DNM3: variants seen among roughly 807,000 people sequenced by gnomAD.
DNM3 encodes dynamin 3.
In DNM3, 47 loss-of-function variants were observed where a neutral mutation model predicts 101.6. The ratio of observed to expected loss-of-function variants is 0.46; its 90% CI spans 0.37 to 0.59. DNM3 has a LOEUF of 0.59. Among genes scored for constraint, DNM3 ranks in the 20% least tolerant of loss-of-function variants. The pLI, the probability that DNM3 is intolerant of heterozygous loss-of-function variation, is 0.00. For missense variants in DNM3, 849 were observed against 1,085.7 expected (o/e 0.78, Z 3.06); for synonymous variants, 385 against 387.9 (o/e 0.99, Z 0.09).
chr1:172,314,760 C>T (rs953295601), intron 16 of DNM3, among the ~76,000 whole-genome samples: 1 of 152,206 alleles, frequency 6.6e-6, no homozygotes, highest in Non-Finnish European at 1.5e-5. Flanking sequence ...TGGAGCCCAC[C>T]ACAGCTCAAG....
chr1:172,129,395 A>G (rs1436755022), intron 13 of DNM3, among the ~76,000 whole-genome samples: 1 of 152,214 alleles, frequency 6.6e-6, no homozygotes, highest in Non-Finnish European at 1.5e-5. Flanking sequence ...AGGAATCTGT[A>G]TTTTTATAAA....
At chr1:172,249,081 C>T (rs1469739629) in intron 14 of DNM3, among the ~76,000 whole-genome samples, 1 of 152,150 alleles carries the variant, frequency 6.6e-6, no homozygotes, top group Non-Finnish European at 1.5e-5. Context: ...TAAAGTCCTC[C>T]CAGTCCTTTG....
chr1:172,008,130 A>G (rs1270836737), intron 4 of DNM3, among the ~76,000 whole-genome samples: 6 of 122,060 alleles, frequency 4.9e-5, no homozygotes, highest in African/African-American at 1.0e-4. Context: ...CACAGTTTGC[A>G]AATTTTTTTT....
intron 15 of DNM3, among the ~76,000 whole-genome samples, chr1:172,290,695 A>T (rs2063876665): frequency 6.6e-6 from 1 of 152,156 alleles, no homozygotes. Flanking sequence ...CCAATGAGAG[A>T]AGATAGTGAC....
intron 4 of DNM3, among the ~76,000 whole-genome samples, chr1:172,019,004 C>A (rs1572107641): frequency 1.4e-5 from 2 of 138,708 alleles, no homozygotes; most frequent in South Asian, 5.2e-4. Flanking sequence ...TCCCTCCTTC[C>A]TTCGCCCCCT....
At chr1:172,162,817 CTT>C (rs2058593119) in intron 14 of DNM3, among the ~76,000 whole-genome samples, 1 of 152,002 alleles carries the variant, frequency 6.6e-6, no homozygotes, top group South Asian at 2.1e-4. Flanking sequence ...GAGTATTACT[CTT>C]TTCTTTGTTT....
chr1:172,169,204 C>T (rs1290030350), intron 14 of DNM3, among the ~76,000 whole-genome samples: 1 of 151,800 alleles, frequency 6.6e-6, no homozygotes, highest in Non-Finnish European at 1.5e-5. Flanking sequence ...ATTGCAGATA[C>T]TTTTAAGAAG....
At chr1:172,325,530 T>TAA (rs61218047) in intron 17 of DNM3, among the ~76,000 whole-genome samples, 78,686 of 150,228 alleles carry the variant, frequency 0.52, 21,099 homozygotes, top group Middle Eastern at 0.68. Context: ...GACTCTGGCA[T>TAA]AAAAAAAAAG....
intron 4 of DNM3, among the ~76,000 whole-genome samples, chr1:172,025,332 C>T (rs2048127135): frequency 6.6e-6 from 1 of 152,190 alleles, no homozygotes; most frequent in Admixed American, 6.5e-5. Context: ...CTCCTATCTT[C>T]CTAGGACAGA....
chr1:172,365,611 A>C (rs2067971511), intron 17 of DNM3, among the ~76,000 whole-genome samples: 1 of 151,950 alleles, frequency 6.6e-6, no homozygotes, highest in Non-Finnish European at 1.5e-5. Flanking sequence ...ATTATAATAA[A>C]ATGAGGCAAA....
intron 1 of DNM3, among the ~76,000 whole-genome samples, chr1:171,909,454 AAGTC>A (rs1185909097): frequency 6.8e-6 from 1 of 147,972 alleles, no homozygotes; most frequent in Non-Finnish European, 1.5e-5. Flanking sequence ...AAAAAAAAAA[AAGTC>A]AGAGGTGGAA....
chr1:172,087,722 C>T lies in DNM3; in HGVS notation c.1494-5102C>T, dbSNP rs534433688. Among the ~76,000 whole-genome samples, 6 of 152,152 alleles carry T rather than the reference C, an allele frequency of 3.9e-5. No homozygotes were observed. The South Asian group carries it at 1.2e-3, about 32-fold the overall frequency. ...CATTGCCACTACTAAAGTTAGTCTT[C>T]TCTTACTTGAGTTACTACAACAGTC... On this transcript the variant is annotated intron_variant, in intron 12 of 20. Transcript: ENST00000627582.
chr1:172,174,299 G>C (rs925407981), intron 14 of DNM3, among the ~76,000 whole-genome samples: 1 of 151,526 alleles, frequency 6.6e-6, no homozygotes, highest in Non-Finnish European at 1.5e-5. Context: ...GCTTAGGAAG[G>C]AAATATAAAT....
intron 5 of DNM3, 27 bp downstream of exon 5, chr1:172,032,527 T>TAA: frequency 1.1e-4 from 4 of 37,116 alleles, no homozygotes; most frequent in Non-Finnish European, 1.7e-4. Flanking sequence ...TATACAAGAC[T>TAA]TTTTTTTTTT....
intron 2 of DNM3, among the ~76,000 whole-genome samples, chr1:171,956,902 C>G (rs1051950905): frequency 6.6e-6 from 1 of 152,190 alleles, no homozygotes; most frequent in Non-Finnish European, 1.5e-5. Context: ...GAAGCAACAG[C>G]CCAAGCCATA....
chr1:172,194,940 C>A, intron 14 of DNM3, among the ~76,000 whole-genome samples: 1 of 152,056 alleles, frequency 6.6e-6, no homozygotes, highest in Middle Eastern at 3.2e-3. Flanking sequence ...TTAGTTGATG[C>A]AGTTTCTTCC....
chr1:172,357,696 T>C (rs905976354), intron 17 of DNM3, among the ~76,000 whole-genome samples: 13 of 152,118 alleles, frequency 8.5e-5, no homozygotes, highest in African/African-American at 3.1e-4. Flanking sequence ...TTGTGTAGTT[T>C]TGTAAGATAC....
intron 17 of DNM3, among the ~76,000 whole-genome samples, chr1:172,324,674 A>G (rs776261404): frequency 2.2e-4 from 33 of 152,168 alleles, no homozygotes; most frequent in Non-Finnish European, 3.4e-4. Context: ...CTTTGAAAAG[A>G]CATTTGGAAA....
rs564757099 is a variant in DNM3 at position 172,213,598 on chromosome 1, A to G, written c.1660-39975A>G. 3.3e-5 allele frequency among the ~76,000 whole-genome samples: 5 copies of G among 151,224 alleles called. No individual in the cohort carries two copies. In the South Asian group the frequency reaches 1.0e-3, roughly 32 times the overall value. On this transcript the variant is annotated intron_variant, in intron 14 of 20. Coordinates refer to ENST00000627582, the MANE Select transcript of DNM3 (RefSeq NM_015569.5). ...GTAATCCTAGCGCTTCAGGAGGCCA[A>G]GGCAGGTAGATCATGAGATCAGGAG...
Sources: gnomAD v4.1 joint callset for allele counts (sites outside exome capture counted in the v4.1 genomes callset) on GRCh38, gnomAD v4.1.1 for gene constraint, MANE v1.5 for transcripts, NCBI Gene and HGNC (gene_info 2026-07-23, HGNC 2026-07-21) for gene names.